Variants in NCKAP5 observed in about 807,000 individuals in gnomAD.
The protein encoded by NCKAP5 is nck-associated protein 5.
NCKAP5 carries 92 observed loss-of-function variants against 167.0 expected under a neutral mutation model. The ratio of observed to expected loss-of-function variants is 0.55; its 90% CI spans 0.47 to 0.66. The LOEUF (loss-of-function observed/expected upper bound fraction) is 0.66, where lower values mean the gene tolerates loss of function less well. Among genes scored for constraint, NCKAP5 ranks in the 30% least tolerant of loss-of-function variants. The probability of loss-of-function intolerance (pLI) is 0.00; values close to 1 mark genes in which losing one functional copy is unlikely to be tolerated. For synonymous variants in NCKAP5, 891 were observed against 877.4 expected (o/e 1.02, Z -0.27); for missense variants, 2,378 against 2,315.0 (o/e 1.03, Z -0.56).
intron 6 of NCKAP5, among the ~76,000 whole-genome samples, chr2:133,034,007 G>A (rs2078965066): frequency 1.3e-5 from 2 of 152,036 alleles, no homozygotes; most frequent in Admixed American, 1.3e-4. Flanking sequence ...CAGTATCCAA[G>A]TACAAGAAGG....
rs200295297 is a variant in NCKAP5 at position 132,784,730 on chromosome 2, T to C, written c.2081A>G (p.Asn694Ser). The C allele has an allele frequency of 1.7e-4, 278 of 1,613,884 alleles. No individual in the cohort carries two copies. Among genetic ancestry groups the C allele is most frequent in the Middle Eastern group, 3.3e-4 (2 of 6,084 alleles). ...HQTGVVTVTR[N>S]EISINSTPAG... ...AGGAGTTGAATTGATGGAAATCTCA[T>C]TTCTGGTAACAGTGACAACCCCAGT... The change falls in exon 14 of 20, where the codon AAT (asparagine) becomes AGT (serine). Residue 694 changes from asparagine to serine, a missense_variant. Physicochemically the swap from Asn to Ser is conservative, Grantham distance 46 (BLOSUM62 1). Transcript: ENST00000409261.
At chr2:132,972,361 G>T (rs2076860013) in intron 7 of NCKAP5, among the ~76,000 whole-genome samples, 1 of 152,136 alleles carries the variant, frequency 6.6e-6, no homozygotes, top group Admixed American at 6.6e-5. Flanking sequence ...GGGCATTGAG[G>T]CTCCAAGAGA....
chr2:133,074,982 G>A (rs2080550377), intron 6 of NCKAP5, among the ~76,000 whole-genome samples: 1 of 152,066 alleles, frequency 6.6e-6, no homozygotes, highest in Admixed American at 6.5e-5. Context: ...AAACTGACAA[G>A]TTTAAGAAGC....
chr2:133,350,043 T>C (rs2150810934), intron 3 of NCKAP5, among the ~76,000 whole-genome samples: 1 of 152,290 alleles, frequency 6.6e-6, no homozygotes, highest in South Asian at 2.1e-4. Flanking sequence ...ATTCAGGAAA[T>C]GGATATTAGT....
chr2:133,144,784 GTCT>G (rs1462694675), intron 5 of NCKAP5, among the ~76,000 whole-genome samples: 1 of 152,140 alleles, frequency 6.6e-6, no homozygotes, highest in Non-Finnish European at 1.5e-5. Context: ...TAGCCAGTGT[GTCT>G]TCTTATTCTC....
intron 8 of NCKAP5, among the ~76,000 whole-genome samples, chr2:132,914,018 A>G (rs566752061): frequency 1.3e-5 from 2 of 152,344 alleles, no homozygotes; most frequent in African/African-American, 4.8e-5. Flanking sequence ...TAAAGTAAAC[A>G]TATAGTTAAA....
the NCKAP5 span, among the ~76,000 whole-genome samples, chr2:133,659,640 G>A: frequency 6.6e-6 from 1 of 152,132 alleles, no homozygotes; most frequent in Non-Finnish European, 1.5e-5. Flanking sequence ...GGATTCGGGG[G>A]AGAATGAAAG....
chr2:133,155,008 C>T (rs2083521809), intron 5 of NCKAP5, among the ~76,000 whole-genome samples: 1 of 152,228 alleles, frequency 6.6e-6, no homozygotes, highest in South Asian at 2.1e-4. Context: ...TTCATCTACT[C>T]TAAGGTTTGA....
intron 19 of NCKAP5, among the ~76,000 whole-genome samples, chr2:132,680,540 CTTAGGGTTG>C (rs1685089296): frequency 6.6e-6 from 1 of 151,962 alleles, no homozygotes; most frequent in Non-Finnish European, 1.5e-5. Flanking sequence ...CAGTGGGAAG[CTTAGGGTTG>C]TTAGAAAATA....
At chr2:133,047,205 C>T (rs2079433334) in intron 6 of NCKAP5, among the ~76,000 whole-genome samples, 1 of 152,022 alleles carries the variant, frequency 6.6e-6, no homozygotes, top group Admixed American at 6.6e-5. Context: ...GTTTTTTTTC[C>T]AGTCCCAAGT....
At chr2:133,423,509 G>A (rs1027023087) in intron 3 of NCKAP5, among the ~76,000 whole-genome samples, 1 of 152,076 alleles carries the variant, frequency 6.6e-6, no homozygotes, top group African/African-American at 2.4e-5. Flanking sequence ...AACACACTTG[G>A]CATTAGGAAT....
intron 3 of NCKAP5, among the ~76,000 whole-genome samples, chr2:133,326,203 C>T (rs1450864291): frequency 6.6e-6 from 1 of 152,168 alleles, no homozygotes; most frequent in East Asian, 1.9e-4. Context: ...GGCCTGTAAT[C>T]CCAGCACTTT....
rs1018264610 is a variant in NCKAP5 at position 132,921,533 on chromosome 2, G to A, written c.579+42187C>T. Among the ~76,000 whole-genome samples, 10 of 152,276 alleles carry A rather than the reference G, an allele frequency of 6.6e-5. No homozygotes were observed. The East Asian group carries it at 1.5e-3, about 24-fold the overall frequency. ...TAAAGAGCCATTGCAATGCTGCTAGGACATGAGTATATGATGCTATTGGGC... is the reference window on the plus strand; with the variant it reads ...TAAAGAGCCATTGCAATGCTGCTAGAACATGAGTATATGATGCTATTGGGC... On this transcript the variant is annotated intron_variant, in intron 8 of 19. Transcript: ENST00000409261.
chr2:133,240,224 T>C (rs986938479), intron 4 of NCKAP5, among the ~76,000 whole-genome samples: 3 of 152,040 alleles, frequency 2.0e-5, no homozygotes, highest in African/African-American at 7.2e-5. Context: ...TGGTAAACAA[T>C]AAAGATAATA....
chr2:133,558,668 C>T (rs1177242672), intron 2 of NCKAP5, among the ~76,000 whole-genome samples: 1 of 112,502 alleles, frequency 8.9e-6, no homozygotes, highest in Non-Finnish European at 1.7e-5. Flanking sequence ...GATGATAAAG[C>T]CAGGGGCATC....
At chr2:133,485,148 G>A (rs578133238) in intron 3 of NCKAP5, among the ~76,000 whole-genome samples, 125 of 152,150 alleles carry the variant, frequency 8.2e-4, no homozygotes, top group African/African-American at 2.8e-3. Flanking sequence ...AATATGTCCC[G>A]TGACCACAAA....
At chr2:132,714,904 G>C (rs1360482283) in intron 19 of NCKAP5, 1 of 456,206 alleles carries the variant, frequency 2.2e-6, no homozygotes, top group Non-Finnish European at 4.4e-6. Context: ...AACATACCCA[G>C]CCAAAGGGCT....
At chr2:133,343,763 T>C (rs1290563306) in intron 3 of NCKAP5, among the ~76,000 whole-genome samples, 1 of 152,180 alleles carries the variant, frequency 6.6e-6, no homozygotes, top group African/African-American at 2.4e-5. Flanking sequence ...GACCCAAACA[T>C]ACAAGTTTAA....
chr2:132,772,996 A>G (rs1682218423), intron 16 of NCKAP5, among the ~76,000 whole-genome samples: 1 of 152,166 alleles, frequency 6.6e-6, no homozygotes, highest in Admixed American at 6.5e-5. Context: ...CATATACTGG[A>G]GCATGGTATT....
Sources: gnomAD v4.1 joint callset for allele counts (sites outside exome capture counted in the v4.1 genomes callset) on GRCh38, gnomAD v4.1.1 for gene constraint, MANE v1.5 for transcripts, NCBI Gene and HGNC (gene_info 2026-07-23, HGNC 2026-07-21) for gene names.